XKR4: variants seen among roughly 807,000 people sequenced by gnomAD.
XKR4 encodes the protein XK related 4.
Under a neutral mutation model 53.9 loss-of-function variants are expected in XKR4, and 12 were observed. That is an observed-to-expected ratio of 0.22 (90% confidence interval 0.14 to 0.36). The LOEUF (loss-of-function observed/expected upper bound fraction) is 0.36. Among genes scored for constraint, XKR4 ranks in the 10% least tolerant of loss-of-function variants. The pLI is 1.00. For synonymous variants in XKR4, 354 were observed against 362.4 expected, an observed-to-expected ratio of 0.98 and a Z score of 0.26; for missense variants, 799 against 859.5, an observed-to-expected ratio of 0.93 and a Z score of 0.88.
At chr8:55,428,301 T>A (rs1299696077) in intron 2 of XKR4, among the ~76,000 whole-genome samples, 1 of 152,184 alleles carries the variant, frequency 6.6e-6, no homozygotes, top group Non-Finnish European at 1.5e-5. Context: ...TTGCCTCATA[T>A]GTTTCAGATT....
intron 1 of XKR4, among the ~76,000 whole-genome samples, chr8:55,116,835 T>G (rs1321735113): frequency 1.3e-5 from 2 of 152,170 alleles, no homozygotes; most frequent in Non-Finnish European, 1.5e-5. Context: ...AGGTAATTTT[T>G]TTAAGTCTCC....
At position 55,200,039 on chromosome 8, in the gene XKR4, C is replaced by CAGTT. The variant is rs199537331; in HGVS notation, c.806+96747_806+96748insTTAG. The stretch of plus-strand genomic sequence containing the variant: ...AACTGCATCACTATGTCATCCACAT[C>CAGTT]AGACAGTACCATGTGGGTAAATCTG... On this transcript the variant is annotated intron_variant, in intron 1 of 2. Coordinates refer to ENST00000327381, the MANE Select transcript of XKR4 (RefSeq NM_052898.2). Among the ~76,000 whole-genome samples the CAGTT allele has an allele frequency of 2.1e-3, 326 of 152,282 alleles. 1 individual carries two copies. The highest frequency in any genetic ancestry group is 7.3e-3 in the African/African-American group (305 of 41,558).
At chr8:55,259,841 T>G (rs565038003) in intron 1 of XKR4, among the ~76,000 whole-genome samples, 19 of 152,268 alleles carry the variant, frequency 1.2e-4, no homozygotes, top group African/African-American at 4.3e-4. Context: ...AATTTCCTTC[T>G]GGCCTTTATT....
chr8:55,217,736 G>A (rs1461240287), intron 1 of XKR4, among the ~76,000 whole-genome samples: 2 of 139,456 alleles, frequency 1.4e-5, no homozygotes, highest in African/African-American at 2.6e-5. Context: ...TAGGAAGACA[G>A]ATTAGATAGA....
chr8:55,187,210 G>A (rs528730218), intron 1 of XKR4, among the ~76,000 whole-genome samples: 46 of 151,346 alleles, frequency 3.0e-4, no homozygotes, highest in African/African-American at 1.0e-3. Context: ...GTGTTTCTGC[G>A]GGGGAATCTA....
At chr8:55,350,733 CTTTTCTTTTTT>C (rs1803712542) in intron 1 of XKR4, among the ~76,000 whole-genome samples, 4 of 139,376 alleles carry the variant, frequency 2.9e-5, no homozygotes, top group East Asian at 2.1e-4. Context: ...TTTTCTTTTT[CTTTTCTTTTTT>C]TTTTTTTTTT....
intron 1 of XKR4, among the ~76,000 whole-genome samples, chr8:55,329,032 A>T (rs1157507880): frequency 1.3e-5 from 2 of 152,188 alleles, no homozygotes; most frequent in Non-Finnish European, 2.9e-5. Flanking sequence ...TGCCTAGATC[A>T]GTTCCTGGAA....
At chr8:55,289,911 C>T (rs1205747314) in intron 1 of XKR4, among the ~76,000 whole-genome samples, 2 of 139,708 alleles carry the variant, frequency 1.4e-5, no homozygotes, top group Non-Finnish European at 1.5e-5. Flanking sequence ...AAAGAAACTG[C>T]CAAATTATTG....
At chr8:55,132,823 C>T (rs934341979) in intron 1 of XKR4, among the ~76,000 whole-genome samples, 4 of 152,116 alleles carry the variant, frequency 2.6e-5, no homozygotes, top group Non-Finnish European at 4.4e-5. Flanking sequence ...AAGGAATGGG[C>T]GTCCGAGGCC....
intron 1 of XKR4, among the ~76,000 whole-genome samples, chr8:55,173,598 C>T (rs994769234): frequency 2.0e-5 from 3 of 152,108 alleles, no homozygotes; most frequent in African/African-American, 4.8e-5. Flanking sequence ...CAGTGTTTTC[C>T]TCATCTCTGA....
intron 2 of XKR4, among the ~76,000 whole-genome samples, chr8:55,430,836 G>A (rs1209957302): frequency 3.3e-5 from 5 of 152,116 alleles, no homozygotes; most frequent in African/African-American, 1.2e-4. Context: ...CAGTCCTATA[G>A]GATTAGGACT....
intron 2 of XKR4, among the ~76,000 whole-genome samples, chr8:55,366,717 G>A (rs1803993974): frequency 1.3e-5 from 2 of 152,144 alleles, no homozygotes; most frequent in African/African-American, 4.8e-5. Context: ...CCTTTCCTCT[G>A]AGAATATGCT....
intron 1 of XKR4, among the ~76,000 whole-genome samples, chr8:55,120,761 G>A (rs144551101): frequency 2.0e-5 from 3 of 151,900 alleles, no homozygotes; most frequent in African/African-American, 7.3e-5. Context: ...TTTACATTAG[G>A]GTTCATTTGT....
Position 55,428,989 on chromosome 8 carries a change from C to T in XKR4, c.1006+71112C>T, listed in dbSNP as rs542598640. Among the ~76,000 whole-genome samples, 4 of 152,234 alleles carry T rather than the reference C, an allele frequency of 2.6e-5. No homozygotes were observed. The East Asian group carries it at 5.8e-4, about 22-fold the overall frequency. On this transcript the variant is annotated intron_variant, in intron 2 of 2. Coordinates refer to ENST00000327381, the MANE Select transcript of XKR4 (RefSeq NM_052898.2). ...CTCAAACAATTCTGGATGAAAAGAA[C>T]AAACTAGTAGGAATCAATTTCAATA...
intron 1 of XKR4, among the ~76,000 whole-genome samples, chr8:55,294,940 T>C (rs1158520653): frequency 6.6e-6 from 1 of 152,226 alleles, no homozygotes; most frequent in African/African-American, 2.4e-5. Flanking sequence ...CCTTTGCACA[T>C]TAAGTTGTCA....
At chr8:55,468,993 T>C (rs1010815790) in intron 2 of XKR4, among the ~76,000 whole-genome samples, 1 of 152,104 alleles carries the variant, frequency 6.6e-6, no homozygotes, top group Non-Finnish European at 1.5e-5. Flanking sequence ...TTGGTTTCCA[T>C]ATTTATTGGA....
chr8:55,351,601 G>A (rs1803724119), intron 1 of XKR4, among the ~76,000 whole-genome samples: 1 of 152,228 alleles, frequency 6.6e-6, no homozygotes, highest in Admixed American at 6.5e-5. Context: ...CCTTCTGTTA[G>A]AATTGCAAGG....
At chr8:55,358,780 C>T (rs561165285) in intron 2 of XKR4, among the ~76,000 whole-genome samples, 2 of 152,248 alleles carry the variant, frequency 1.3e-5, no homozygotes, top group Admixed American at 1.3e-4. Flanking sequence ...AGCAGGGCCT[C>T]TGTGCGCCCC....
chr8:55,420,623 C>G (rs934470340), intron 2 of XKR4, among the ~76,000 whole-genome samples: 2 of 105,564 alleles, frequency 1.9e-5, no homozygotes, highest in Admixed American at 1.5e-4. Context: ...CATCGCACTC[C>G]GGGGACTGTT....
Sources: gnomAD v4.1 joint callset for allele counts (sites outside exome capture counted in the v4.1 genomes callset) on GRCh38, gnomAD v4.1.1 for gene constraint, MANE v1.5 for transcripts, NCBI Gene and HGNC (gene_info 2026-07-23, HGNC 2026-07-21) for gene names.